NOVA1: variants seen among roughly 807,000 people sequenced by gnomAD.
NOVA1 encodes the protein RNA-binding protein Nova-1.
In NOVA1, 7 loss-of-function variants were observed where a neutral mutation model predicts 38.0. That is an observed-to-expected ratio of 0.18 (90% confidence interval 0.10 to 0.35). The LOEUF (loss-of-function observed/expected upper bound fraction) is 0.35. Ranked by LOEUF, NOVA1 falls within the 10% of genes least tolerant of loss-of-function variation. The probability of loss-of-function intolerance (pLI) is 1.00; values close to 1 mark genes in which losing one functional copy is unlikely to be tolerated. For synonymous variants in NOVA1, 270 were observed against 232.5 expected (o/e 1.16, Z -1.47); for missense variants, 460 against 616.0 (o/e 0.75, Z 2.68).
At chr14:26,485,498 A>G (rs1885815262) in intron 2 of NOVA1, among the ~76,000 whole-genome samples, 1 of 152,158 alleles carries the variant, frequency 6.6e-6, no homozygotes, top group African/African-American at 2.4e-5. Context: ...CCTAGGGTAG[A>G]AAAAAATAGA....
At chr14:26,591,702 C>T (rs1276044521) in intron 2 of NOVA1, among the ~76,000 whole-genome samples, 2 of 151,472 alleles carry the variant, frequency 1.3e-5, no homozygotes, top group Non-Finnish European at 3.0e-5. Context: ...AATTTGGCCA[C>T]TATATTTTCC....
intron 2 of NOVA1, among the ~76,000 whole-genome samples, chr14:26,486,727 A>AAAACC (rs1674196448): frequency 7.2e-6 from 1 of 138,384 alleles, no homozygotes; most frequent in Non-Finnish European, 1.6e-5. Flanking sequence ...AAAAAGCCAA[A>AAAACC]CAAACAAAAA....
At chr14:26,470,167 T>TA (rs1465278140) in intron 4 of NOVA1, 8 of 841,452 alleles carry the variant, frequency 9.5e-6, no homozygotes, top group African/African-American at 1.7e-5. Flanking sequence ...GACAGTCCAT[T>TA]AGTTCTTTTC....
intron 2 of NOVA1, among the ~76,000 whole-genome samples, chr14:26,500,341 G>A (rs1887158312): frequency 6.6e-6 from 1 of 152,010 alleles, no homozygotes; most frequent in Non-Finnish European, 1.5e-5. Context: ...ATAAATAGAT[G>A]GCAGGAAAAG....
intron 2 of NOVA1, among the ~76,000 whole-genome samples, chr14:26,508,771 TAA>T (rs1887834074): frequency 6.6e-6 from 1 of 151,794 alleles, no homozygotes; most frequent in Non-Finnish European, 1.5e-5. Context: ...AGAAGAACCC[TAA>T]AAATTTAATT....
chr14:26,557,077 T>C (rs1397557221), intron 2 of NOVA1, among the ~76,000 whole-genome samples: 1 of 152,112 alleles, frequency 6.6e-6, no homozygotes, highest in Non-Finnish European at 1.5e-5. Context: ...TGTACACATT[T>C]CTCCTCTTAT....
chr14:26,575,280 T>A (rs1027067178), intron 2 of NOVA1, among the ~76,000 whole-genome samples: 4 of 152,254 alleles, frequency 2.6e-5, no homozygotes, highest in Middle Eastern at 3.4e-3. Flanking sequence ...TAATACAATG[T>A]GGTGAAAAGG....
intron 2 of NOVA1, among the ~76,000 whole-genome samples, chr14:26,523,928 T>G (rs1429895519): frequency 3.3e-5 from 5 of 152,050 alleles, no homozygotes; most frequent in Admixed American, 6.5e-5. Flanking sequence ...TTTTTTTGTA[T>G]TTTTAGTAGT....
At chr14:26,590,709 G>C (rs1893791704) in intron 2 of NOVA1, among the ~76,000 whole-genome samples, 1 of 151,544 alleles carries the variant, frequency 6.6e-6, no homozygotes, top group African/African-American at 2.4e-5. Flanking sequence ...CAATACATAA[G>C]TATTGAACTA....
intron 4 of NOVA1, among the ~76,000 whole-genome samples, chr14:26,463,458 A>C (rs1883865127): frequency 6.6e-6 from 1 of 152,160 alleles, no homozygotes; most frequent in Non-Finnish European, 1.5e-5. Flanking sequence ...CTGGTGAGTT[A>C]AACATGTTTT....
intron 2 of NOVA1, 79 bp from the exon 3 acceptor site, chr14:26,480,222 C>T (rs188514020): frequency 1.8e-5 from 23 of 1,273,080 alleles, no homozygotes; most frequent in African/African-American, 9.0e-5. Context: ...GATATCATAA[C>T]GCCAAAAAAA....
chr14:26,572,000 G>C (rs183001342), intron 2 of NOVA1, among the ~76,000 whole-genome samples: 3 of 152,264 alleles, frequency 2.0e-5, no homozygotes, highest in Admixed American at 2.0e-4. Context: ...CCCAAAGCCT[G>C]ACTATTGCTG....
intron 4 of NOVA1, among the ~76,000 whole-genome samples, chr14:26,458,616 T>C (rs1386982866): frequency 1.3e-5 from 2 of 151,960 alleles, no homozygotes; most frequent in Non-Finnish European, 2.9e-5. Context: ...AACTAAACAC[T>C]GAGTAAACAT....
intron 2 of NOVA1, among the ~76,000 whole-genome samples, chr14:26,582,761 T>G (rs187458757): frequency 1.6e-3 from 238 of 151,868 alleles, no homozygotes; most frequent in African/African-American, 5.4e-3. Context: ...AGTAAAAAGA[T>G]TTTTACAGAA....
chr14:26,585,508 T>A (rs1436133146), intron 2 of NOVA1, among the ~76,000 whole-genome samples: 1 of 151,320 alleles, frequency 6.6e-6, no homozygotes, highest in Non-Finnish European at 1.5e-5. Context: ...TTAGTAAGCA[T>A]ACTTCTAATA....
chr14:26,483,305 T>A (rs1389667556), intron 2 of NOVA1, among the ~76,000 whole-genome samples: 1 of 152,210 alleles, frequency 6.6e-6, no homozygotes, highest in Non-Finnish European at 1.5e-5. Flanking sequence ...TGTGCCCCCT[T>A]ACCTACCAAG....
At chr14:26,495,065 T>C (rs1411786071) in intron 2 of NOVA1, among the ~76,000 whole-genome samples, 1 of 152,136 alleles carries the variant, frequency 6.6e-6, no homozygotes, top group Non-Finnish European at 1.5e-5. Context: ...AGTTAGGTCT[T>C]TTTTAGTTCC....
intron 2 of NOVA1, among the ~76,000 whole-genome samples, chr14:26,540,864 C>T (rs1051249933): frequency 6.6e-5 from 10 of 152,120 alleles, no homozygotes; most frequent in Non-Finnish European, 1.0e-4. Flanking sequence ...GTGAACAATA[C>T]GTGCTTTCCA....
intron 2 of NOVA1, among the ~76,000 whole-genome samples, chr14:26,512,156 A>G (rs1440988421): frequency 6.6e-6 from 1 of 152,178 alleles, no homozygotes; most frequent in African/African-American, 2.4e-5. Context: ...TTTGCTTTAA[A>G]TCTGTCTCAC....
Sources: gnomAD v4.1 joint callset for allele counts (sites outside exome capture counted in the v4.1 genomes callset) on GRCh38, gnomAD v4.1.1 for gene constraint, MANE v1.5 for transcripts, NCBI Gene and HGNC (gene_info 2026-07-23, HGNC 2026-07-21) for gene names.